Variants in SLC12A5 observed in about 807,000 individuals in gnomAD.
SLC12A5 encodes K-Cl cotransporter 2.
A neutral mutation model predicts 124.0 loss-of-function variants in SLC12A5; 18 were observed. That is an observed-to-expected ratio of 0.15 (90% confidence interval 0.10 to 0.22). The LOEUF (loss-of-function observed/expected upper bound fraction) is 0.22, where lower values mean the gene tolerates loss of function less well. SLC12A5 is among the 10% of genes least tolerant of loss of function. SLC12A5 has a pLI of 1.00. For synonymous variants in SLC12A5, 589 were observed against 568.0 expected (o/e 1.04, Z -0.53); for missense variants, 867 against 1,478.7 (o/e 0.59, Z 6.78).
At chr20:46,050,448 T>G (rs920681014) in intron 17 of SLC12A5, among the ~76,000 whole-genome samples, 18 of 152,046 alleles carry the variant, frequency 1.2e-4, no homozygotes, top group African/African-American at 4.3e-4. Context: ...ATCCCAAGGG[T>G]AGTAGAGGAA....
upstream of SLC12A5, among the ~76,000 whole-genome samples, chr20:46,025,937 A>G (rs374177601): frequency 8.5e-5 from 13 of 152,228 alleles, no homozygotes; most frequent in East Asian, 7.7e-4. Flanking sequence ...AGCCATAAGG[A>G]GGAATGCTAT....
At chr20:46,041,926 C>T (rs1045726463) in intron 8 of SLC12A5, among the ~76,000 whole-genome samples, 3 of 151,136 alleles carry the variant, frequency 2.0e-5, no homozygotes, top group Non-Finnish European at 4.4e-5. Flanking sequence ...AGAGAATGCC[C>T]GGGGGGGGAG....
At chr20:46,023,052 G>A (rs2084369739) in exon 2 of SLC12A5, 2 of 401,338 alleles carry the variant, frequency 5.0e-6, no homozygotes, top group South Asian at 1.3e-4. Context: ...AGACCGCCAG[G>A]GGTCGCTGCC....
In SLC12A5 at chr20:46,046,097, C is replaced by A. The variant is rs189059087; in HGVS notation, c.1688+101C>A. The A allele has an allele frequency of 1.4e-4, 160 of 1,123,444 alleles. No homozygotes were observed. The East Asian group carries it at 3.0e-3, about 21-fold the overall frequency. 69.6% of individuals were successfully genotyped at this position (1,123,444 alleles called of 1,614,324 possible). ...ACAACCCACCCAGACACTTTAGCAACCCCAGGAAGTTCCCCATTGGTCATA... is the reference window on the plus strand; with the variant it reads ...ACAACCCACCCAGACACTTTAGCAAACCCAGGAAGTTCCCCATTGGTCATA... On this transcript the variant is annotated intron_variant, in intron 13 of 25. Coordinates refer to ENST00000243964, the MANE Select transcript of SLC12A5 (RefSeq NM_020708.5).
chr20:46,044,015 G>A (rs929499331), intron 11 of SLC12A5, 82 bp downstream of exon 11: 3 of 1,411,054 alleles, frequency 2.1e-6, no homozygotes, highest in Non-Finnish European at 2.9e-6. Context: ...CCATCAGGAG[G>A]TGCTGGGACC....
At chr20:46,047,666 G>C (rs2084608340) in intron 15 of SLC12A5, 93 bp downstream of exon 15, 1 of 1,497,930 alleles carries the variant, frequency 6.7e-7, no homozygotes, top group Non-Finnish European at 9.1e-7. Context: ...GGGGTGGTGG[G>C]GGTGAGATGA....
intron 2 of SLC12A5, 111 bp from the exon 3 acceptor site, chr20:46,035,293 C>A: frequency 7.2e-7 from 1 of 1,392,666 alleles, no homozygotes; most frequent in Non-Finnish European, 9.9e-7. Context: ...CATCTCATCC[C>A]AACCTGAATA....
At chr20:46,043,498 T>G in intron 9 of SLC12A5, 135 bp from the exon 10 acceptor site, 1 of 1,175,778 alleles carries the variant, frequency 8.5e-7, no homozygotes, top group Non-Finnish European at 1.2e-6. Context: ...AAGTAACATG[T>G]CCAAGGTCTC....
chr20:46,030,028 G>C (rs1362298139), intron 1 of SLC12A5, among the ~76,000 whole-genome samples: 1 of 151,892 alleles, frequency 6.6e-6, no homozygotes, highest in Non-Finnish European at 1.5e-5. Context: ...TGCAATCTGG[G>C]ACCCCTCCCC....
At chr20:46,046,259 C>T in intron 13 of SLC12A5, 79 bp from the exon 14 acceptor site, 1 of 1,332,984 alleles carries the variant, frequency 7.5e-7, no homozygotes, top group Non-Finnish European at 1.1e-6. Flanking sequence ...CCCTTTCCCC[C>T]TTTCTCTGCC....
In SLC12A5 at chr20:46,057,669, C is replaced by A; in HGVS notation, c.*64C>A. 3 of 1,238,774 alleles carry A rather than the reference C, an allele frequency of 2.4e-6. No individual in the cohort carries two copies. Among genetic ancestry groups the A allele is most frequent in the African/African-American group, 1.5e-5 (1 of 66,302 alleles). The allele number at this position is 1,238,774 out of a possible 1,614,324, so 76.7% of individuals were successfully genotyped here. ...CCGCGGCTCCGGAGCCCTCGCCGCG[C>A]CCCCCGCCGCTGTCACCGTTTACAT... On this transcript the variant is annotated 3_prime_UTR_variant, in exon 26 of 26. Transcript: ENST00000243964. This position sits in a 1 kb window ranked among gnomAD's most constrained non-coding sequence, Gnocchi z 7.1.
rs761978120 is a variant in SLC12A5, at chr20:46,057,126, AC to A, written c.3126-37del. 1.6e-4 allele frequency: 256 copies of A among 1,607,866 alleles called. No homozygotes were observed. The highest frequency in any genetic ancestry group is 2.0e-4 in the Non-Finnish European group (235 of 1,177,130). ...AGGGCGACTGGCTCCAATCTTCTCT[AC>A]CCCCCCGGCTCACGCGGTCTCCACT... On this transcript the variant is annotated intron_variant, in intron 24 of 25. Transcript: ENST00000243964. This position sits in a 1 kb window ranked among gnomAD's most constrained non-coding sequence, Gnocchi z 7.1.
chr20:46,056,175 G>A lies in SLC12A5; in HGVS notation c.2813G>A (p.Arg938Gln), dbSNP rs752739286. Residue 938 changes from arginine (R) to glutamine (Q), a missense_variant, in exon 22 of 26, where the codon CGA becomes CAA. Around this residue, in one of 9 missense-constraint regions of SLC12A5, gnomAD observed 70 missense variants for 157.2 expected, o/e 0.45. Coordinates refer to ENST00000243964, the MANE Select transcript of SLC12A5 (RefSeq NM_020708.5). This position sits in a 1 kb window ranked among gnomAD's most constrained non-coding sequence, Gnocchi z 4.3. ...REIQSITDESRGSIRRKNPAN... is the reference protein window; with the variant it reads ...REIQSITDESQGSIRRKNPAN... ...ATCCAGAGTATCACAGATGAGTCAC[G>A]AGGCTCAATCCGGAGAAAGAATCCA... 1.9e-6 allele frequency: 3 copies of A among 1,614,136 alleles called. No individual in the cohort carries two copies. Among genetic ancestry groups the A allele is most frequent in the Non-Finnish European group, 2.5e-6 (3 of 1,180,012 alleles).
In SLC12A5 at chr20:46,045,188, C is replaced by T; in HGVS notation, c.1569+48C>T. The T allele has an allele frequency of 1.3e-6, 2 of 1,519,342 alleles. No individual in the cohort carries two copies. Among genetic ancestry groups the T allele is most frequent in the East Asian group, 2.3e-5 (1 of 44,160 alleles). The allele number at this position is 1,519,342 out of a possible 1,614,324, so 94.1% of individuals were successfully genotyped here. The stretch of plus-strand genomic sequence containing the variant: ...CCACCCTCAGTAGACCAGCCAGGCC[C>T]CTGCCCAGAGAGACCACACAGTGAC... On this transcript the variant is annotated intron_variant, in intron 12 of 25. Coordinates refer to ENST00000243964, the MANE Select transcript of SLC12A5 (RefSeq NM_020708.5). This position sits in a 1 kb window ranked among gnomAD's most constrained non-coding sequence, Gnocchi z 4.9.
At chr20:46,037,200 C>T in intron 5 of SLC12A5, 55 bp from the exon 6 acceptor site, 1 of 1,547,084 alleles carries the variant, frequency 6.5e-7, no homozygotes, top group Non-Finnish European at 8.7e-7. Flanking sequence ...CCCCTCACCC[C>T]TTACGGCAGC....
chr20:46,048,049 G>T lies in SLC12A5; in HGVS notation c.1976G>T (p.Arg659Leu). ...SLSAARYALLRLEEGPPHTKN... is the reference protein window; with the variant it reads ...SLSAARYALLLLEEGPPHTKN... ...AGTGCGGCTCGCTATGCCCTCTTAC[G>T]CCTGGAGGAAGGGCCCCCACACACC... Residue 659 changes from arginine to leucine, a missense_variant, in exon 16 of 26, where the codon CGC (arginine) becomes CTC (leucine). Physicochemically the swap from Arg to Leu is moderately radical, Grantham distance 102. Transcript: ENST00000243964. 7 of 1,612,682 alleles carry T rather than the reference G, an allele frequency of 4.3e-6. No homozygotes were observed. The highest frequency in any genetic ancestry group is 5.9e-6 in the Non-Finnish European group (7 of 1,179,354).
chr20:46,026,568 G>A (rs900203768), upstream of SLC12A5, among the ~76,000 whole-genome samples: 1 of 152,202 alleles, frequency 6.6e-6, no homozygotes, highest in Non-Finnish European at 1.5e-5. Flanking sequence ...TCCCCCCTTG[G>A]GACTGTCTGC....
At chr20:46,022,112 G>A (rs1296147656) in intron 1 of SLC12A5, 5 of 446,220 alleles carry the variant, frequency 1.1e-5, no homozygotes, top group South Asian at 1.1e-4. Flanking sequence ...GCGTGGCCAC[G>A]AGGGAAAGGG....
chr20:46,028,765 G>A (rs1256284751), upstream of SLC12A5, among the ~76,000 whole-genome samples: 2 of 152,108 alleles, frequency 1.3e-5, no homozygotes. Flanking sequence ...CACCTCCACG[G>A]CCACTTCAGT....
Sources: allele counts gnomAD v4.1 joint callset (sites outside exome capture counted in the v4.1 genomes callset), GRCh38; gene constraint gnomAD v4.1.1; regional missense constraint gnomAD v4.1.1; non-coding constraint Gnocchi (gnomAD v3.1); transcripts MANE v1.5; gene names NCBI Gene and HGNC (gene_info 2026-07-23, HGNC 2026-07-21).